The following PLA2G6 variants were observed in gnomAD, a reference collection of about 807,000 sequenced individuals.
PLA2G6 encodes the protein phospholipase A2 group VI.
In PLA2G6, 62 loss-of-function variants were observed where a neutral mutation model predicts 83.8. The ratio of observed to expected loss-of-function variants is 0.74; its 90% CI spans 0.60 to 0.91. The LOEUF (loss-of-function observed/expected upper bound fraction) is 0.91. Ranked by LOEUF, PLA2G6 falls within the 40% of genes least tolerant of loss-of-function variation. PLA2G6 has a pLI of 0.00. For missense variants in PLA2G6, 944 were observed against 1,102.0 expected (o/e 0.86, Z 2.03); for synonymous variants, 417 against 449.8 (o/e 0.93, Z 0.92).
intron 2 of PLA2G6, chr22:38,148,577 G>A: frequency 2.8e-6 from 2 of 717,106 alleles, no homozygotes; most frequent in East Asian, 2.7e-5. Context: ...AGCAGCACCA[G>A]TAACAGCCTC....
At chr22:38,141,906 T>C (rs2088929448) in intron 4 of PLA2G6, 2 of 151,536 alleles carry the variant, frequency 1.3e-5, no homozygotes, top group Non-Finnish European at 1.5e-5. Flanking sequence ...TGAATCCACA[T>C]TTTCTGGGCC....
At chr22:38,133,258 G>C (rs2088336504) in intron 6 of PLA2G6, 1 of 580,562 alleles carries the variant, frequency 1.7e-6, no homozygotes, top group Non-Finnish European at 3.1e-6. Flanking sequence ...AGAGGCTTCT[G>C]GTCCTTTCCT....
chr22:38,141,623 G>A (rs2088908248), intron 4 of PLA2G6: 1 of 152,172 alleles, frequency 6.6e-6, no homozygotes, highest in Non-Finnish European at 1.5e-5. Flanking sequence ...AGTTTCTTCG[G>A]AGAGGAAAGG....
rs1437591760 is a variant in PLA2G6, at chr22:38,123,264, GT to G, written c.1428-7del. The G allele has an allele frequency of 1.9e-6, 3 of 1,557,870 alleles. No individual in the cohort carries two copies. Among genetic ancestry groups the G allele is most frequent in the Non-Finnish European group, 2.6e-6 (3 of 1,150,452 alleles). On this transcript the variant is annotated splice_polypyrimidine_tract_variant and splice_region_variant and intron_variant, in intron 10 of 16. Transcript: ENST00000332509. This position sits in a 1 kb window ranked among gnomAD's most constrained non-coding sequence, Gnocchi z 4.1. Reference sequence around the variant, plus strand: ...GGCACAGCAGGTGGTCGTGGCTGCAGTGGGAACAGCAGTGGGAGAGAGGAGG... The same window carrying G: ...GGCACAGCAGGTGGTCGTGGCTGCAGGGGAACAGCAGTGGGAGAGAGGAGG...
At chr22:38,176,195 A>G (rs2090624702) in intron 1 of PLA2G6, among the ~76,000 whole-genome samples, 1 of 152,124 alleles carries the variant, frequency 6.6e-6, no homozygotes, top group South Asian at 2.1e-4. Flanking sequence ...TGGAAAGTTC[A>G]GCTTTATATA....
intron 4 of PLA2G6, chr22:38,141,949 T>A (rs1195133114): frequency 6.6e-6 from 1 of 151,520 alleles, no homozygotes; most frequent in Non-Finnish European, 1.5e-5. Context: ...AATCCCGGCA[T>A]TTTGGGAGGC....
chr22:38,130,633 G>A (rs952241212), intron 7 of PLA2G6: 1 of 151,814 alleles, frequency 6.6e-6, no homozygotes, highest in Non-Finnish European at 1.5e-5. Context: ...ACCTTTTATG[G>A]TTGGCACTGG....
intron 4 of PLA2G6, chr22:38,142,881 C>T: frequency 1.6e-6 from 1 of 635,458 alleles, no homozygotes; most frequent in Non-Finnish European, 2.8e-6. Context: ...TGGAGGCCGT[C>T]CCCAGGTTTA....
At chr22:38,146,760 ACTTTTCTTTTT>A (rs1283048069) in intron 2 of PLA2G6, 1 of 142,768 alleles carries the variant, frequency 7.0e-6, no homozygotes, top group Non-Finnish European at 1.5e-5. Context: ...AAAAAGGGAA[ACTTTTCTTTTT>A]CTTTTCTTTT....
In PLA2G6 at chr22:38,128,532, TC is replaced by T; in HGVS notation, c.1187-103del. 7.6e-7 allele frequency: 1 copy of T among 1,322,570 alleles called. No homozygotes were observed. Among genetic ancestry groups the T allele is most frequent in the Non-Finnish European group, 1.1e-6 (1 of 945,670 alleles). 81.9% of individuals were successfully genotyped at this position (1,322,570 alleles called of 1,614,324 possible). A position where few individuals can be genotyped will look rare whatever the true frequency, so the allele number is the denominator to read the frequency against. On this transcript the variant is annotated intron_variant, in intron 8 of 16. Transcript: ENST00000332509. This position sits in a 1 kb window ranked among gnomAD's most constrained non-coding sequence, Gnocchi z 4.4. The stretch of plus-strand genomic sequence containing the variant: ...TCCACACTCCGTCCCCTGTCCCAGC[TC>T]CCAGGCCCTGGGCACGTGGGCTGCT...
intron 12 of PLA2G6, among the ~76,000 whole-genome samples, chr22:38,120,143 G>A (rs771288034): frequency 1.3e-5 from 2 of 152,164 alleles, no homozygotes; most frequent in Non-Finnish European, 2.9e-5. Flanking sequence ...AGCCCCGAAC[G>A]GGATGCATTG....
rs145285394 is a variant in PLA2G6 at position 38,128,221 on chromosome 22, G to A, written c.1348+48C>T. On this transcript the variant is annotated intron_variant, in intron 9 of 16. Coordinates refer to ENST00000332509, the MANE Select transcript of PLA2G6 (RefSeq NM_003560.4). The surrounding 1 kb of genome is among the most constrained non-coding windows in gnomAD (Gnocchi z 4.4). Reference sequence around the variant, plus strand: ...TTTGGTGGGGCCTGCTGTGATCCAGGGGCCTGGGAACCAGCTGGAGAAGAG... The same window carrying A: ...TTTGGTGGGGCCTGCTGTGATCCAGAGGCCTGGGAACCAGCTGGAGAAGAG... 751 of 1,594,978 alleles carry A rather than the reference G, an allele frequency of 4.7e-4. 1 individual carries two copies. The African/African-American group carries it at 8.3e-3, about 18-fold the overall frequency.
intron 4 of PLA2G6, chr22:38,141,959 C>G (rs2088933617): frequency 6.6e-6 from 1 of 151,900 alleles, no homozygotes; most frequent in African/African-American, 2.4e-5. Context: ...TTTTGGGAGG[C>G]TGAGGCAGGT....
rs185513942 is a variant in PLA2G6 at position 38,161,372 on chromosome 22, G to A, written c.209+7846C>T. ...GGCAGAGACAGATCATCTCTTTCTTGCCTCTTCGTCTAAGGGCACTAATCC... is the reference window on the plus strand; with the variant it reads ...GGCAGAGACAGATCATCTCTTTCTTACCTCTTCGTCTAAGGGCACTAATCC... On this transcript the variant is annotated intron_variant, in intron 2 of 16. Transcript: ENST00000332509. Among the ~76,000 whole-genome samples, 594 of 152,120 alleles carry A rather than the reference G, an allele frequency of 3.9e-3. 2 individuals are homozygous for A. Among genetic ancestry groups the A allele is most frequent in the Middle Eastern group, 6.8e-3 (2 of 294 alleles).
rs759942729 is a variant in PLA2G6 at position 38,112,485 on chromosome 22, G to A, written c.2276+19C>T. On this transcript the variant is annotated intron_variant, in intron 16 of 16. Transcript: ENST00000332509. Reference sequence around the variant, plus strand: ...ACGCCAGGGCACGGGGCCAAGGGCTGGGGCGGCTGAGCCCTCACCTGAAGT... The same window carrying A: ...ACGCCAGGGCACGGGGCCAAGGGCTAGGGCGGCTGAGCCCTCACCTGAAGT... 6.5e-7 allele frequency: 1 copy of A among 1,547,738 alleles called. No homozygotes were observed. The highest frequency in any genetic ancestry group is 1.2e-5 in the South Asian group (1 of 84,490).
chr22:38,126,315 G>C, intron 10 of PLA2G6, 56 bp downstream of exon 10: 1 of 1,333,968 alleles, frequency 7.5e-7, no homozygotes, highest in South Asian at 1.2e-5. Context: ...GGGGGTGGGT[G>C]AGGGGCAGGA....
At chr22:38,166,478 C>T (rs132978) in intron 2 of PLA2G6, among the ~76,000 whole-genome samples, 17,688 of 152,096 alleles carry the variant, frequency 0.12, 1,250 homozygotes, top group African/African-American at 0.18. Context: ...GCCTGTAATC[C>T]CAGCACTTTG....
chr22:38,163,896 C>T (rs1461777443), intron 2 of PLA2G6, among the ~76,000 whole-genome samples: 1 of 152,018 alleles, frequency 6.6e-6, no homozygotes, highest in African/African-American at 2.4e-5. Context: ...CTCCACTTAT[C>T]TGAGGTTTCT....
intron 14 of PLA2G6, among the ~76,000 whole-genome samples, chr22:38,114,957 G>A (rs890043133): frequency 5.3e-5 from 8 of 152,118 alleles, no homozygotes; most frequent in Non-Finnish European, 1.0e-4. Context: ...CCCACCGCCC[G>A]CCACGCCACA....
Sources: allele counts gnomAD v4.1 joint callset (sites outside exome capture counted in the v4.1 genomes callset), GRCh38; gene constraint gnomAD v4.1.1; non-coding constraint Gnocchi (gnomAD v3.1); transcripts MANE v1.5; gene names NCBI Gene and HGNC (gene_info 2026-07-23, HGNC 2026-07-21).